The following ZDHHC21 variants were observed in gnomAD, a reference collection of about 807,000 sequenced individuals.
ZDHHC21 encodes palmitoyltransferase ZDHHC21.
In ZDHHC21, 15 loss-of-function variants were observed where a neutral mutation model predicts 34.6. The observed-to-expected ratio is 0.43, with a 90% confidence interval of 0.29 to 0.67. The LOEUF is 0.67. Ranked by LOEUF, ZDHHC21 falls within the 30% of genes least tolerant of loss-of-function variation. The pLI is 0.14. For synonymous variants in ZDHHC21, 142 were observed against 101.8 expected (o/e 1.40, Z -2.38); for missense variants, 344 against 327.7 (o/e 1.05, Z -0.38).
In ZDHHC21 at chr9:14,622,282, CTATTTTATCTAA is replaced by C. The variant is rs1181362163; in HGVS notation, c.622-2612_622-2601del. Among the ~76,000 whole-genome samples the C allele has an allele frequency of 5.9e-5, 9 of 151,890 alleles. No individual in the cohort carries two copies. In the East Asian group the frequency reaches 1.7e-3, roughly 29 times the overall value. ...AGACATACAGAAATATAGGCCCTAC[CTATTTTATCTAA>C]TATTTTATCTTCTGATGGGTGATCT... On this transcript the variant is annotated intron_variant, in intron 8 of 9. Transcript: ENST00000380916.
chr9:14,632,933 T>C (rs1005054912), intron 8 of ZDHHC21, among the ~76,000 whole-genome samples: 3 of 152,188 alleles, frequency 2.0e-5, no homozygotes, highest in African/African-American at 4.8e-5. Context: ...ACCAAGGCTG[T>C]AGAGGAATTA....
intron 1 of ZDHHC21, 64 bp from the exon 2 acceptor site, chr9:14,690,449 G>T (rs2382477): frequency 0.95 from 405,409 of 425,378 alleles, 193,398 homozygotes; most frequent in Middle Eastern, 0.97. Context: ...GAGCATTTTA[G>T]GTTAGATTTA....
intron 2 of ZDHHC21, among the ~76,000 whole-genome samples, chr9:14,684,411 G>T (rs935472815): frequency 1.4e-5 from 2 of 147,474 alleles, no homozygotes; most frequent in African/African-American, 5.0e-5. Flanking sequence ...ACCAACAACA[G>T]ACAAACAGAG....
chr9:14,608,165 C>A (rs1337041041), downstream of ZDHHC21, among the ~76,000 whole-genome samples: 1 of 152,116 alleles, frequency 6.6e-6, no homozygotes, highest in African/African-American at 2.4e-5. Flanking sequence ...ACAAAGCTTA[C>A]ACAAGTTATA....
chr9:14,619,514 C>G lies in ZDHHC21; in HGVS notation c.665+125G>C, dbSNP rs1191628192. 3 of 803,338 alleles carry G rather than the reference C, an allele frequency of 3.7e-6. No individual in the cohort carries two copies. In the East Asian group the frequency reaches 9.8e-5, roughly 26 times the overall value. 49.8% of individuals were successfully genotyped at this position (803,338 alleles called of 1,614,324 possible). ...ACTGGGGTAGCTTGCCTAGCACAGGCCTCAGACAATGCACCAAGAAAAAGC... is the reference window on the plus strand; with the variant it reads ...ACTGGGGTAGCTTGCCTAGCACAGGGCTCAGACAATGCACCAAGAAAAAGC... On this transcript the variant is annotated intron_variant, in intron 9 of 9. Transcript: ENST00000380916.
At chr9:14,631,988 C>A (rs192899428) in intron 8 of ZDHHC21, among the ~76,000 whole-genome samples, 2 of 152,076 alleles carry the variant, frequency 1.3e-5, no homozygotes, top group East Asian at 3.9e-4. Flanking sequence ...TAAGCACACA[C>A]TGTTGGGAAT....
intron 2 of ZDHHC21, among the ~76,000 whole-genome samples, chr9:14,685,010 C>A (rs1176524244): frequency 6.6e-6 from 1 of 152,150 alleles, no homozygotes; most frequent in African/African-American, 2.4e-5. Context: ...ATGTAGAAAG[C>A]TGAAACTGGA....
rs1481990404 is a variant in ZDHHC21 at position 14,613,620 on chromosome 9, G to T, written c.*5346C>A. ...TATCGATACCAAAAAAATCAGTGTT[G>T]AACTGTTATAAGAACGACATTACAT... On this transcript the variant is annotated 3_prime_UTR_variant, in exon 10 of 10. Coordinates refer to ENST00000380916, the MANE Select transcript of ZDHHC21 (RefSeq NM_178566.6). The T allele has an allele frequency of 6.6e-6, 1 of 151,690 alleles. No homozygotes were observed. The highest frequency in any genetic ancestry group is 6.6e-5 in the Admixed American group (1 of 15,190). 9.4% of individuals were successfully genotyped at this position (151,690 alleles called of 1,614,324 possible). A position where few individuals can be genotyped will look rare whatever the true frequency, so the allele number is the denominator to read the frequency against.
At chr9:14,676,345 T>C (rs745924006) in intron 3 of ZDHHC21, among the ~76,000 whole-genome samples, 5 of 151,878 alleles carry the variant, frequency 3.3e-5, no homozygotes, top group African/African-American at 7.2e-5. Flanking sequence ...TCATAATCAA[T>C]TGAAAAGCCT....
intron 7 of ZDHHC21, among the ~76,000 whole-genome samples, chr9:14,653,849 G>A (rs1409452003): frequency 6.6e-6 from 1 of 151,956 alleles, no homozygotes; most frequent in Non-Finnish European, 1.5e-5. Context: ...CAGTTCGTAT[G>A]AGACCAACAC....
In ZDHHC21 at chr9:14,684,631, G is replaced by T. The variant is rs572357898; in HGVS notation, c.-175-4469C>A. ...TCATGAAAATGGCCATACTGCCCAA[G>T]GTAATTTACAGATTCAATGCCATCC... is the stretch of plus-strand genomic sequence containing the variant. On this transcript the variant is annotated intron_variant, in intron 2 of 9. Transcript: ENST00000380916. Among the ~76,000 whole-genome samples, 766 of 151,940 alleles carry T rather than the reference G, an allele frequency of 5.0e-3. 7 individuals carry two copies. The highest frequency in any genetic ancestry group is 0.017 in the African/African-American group (717 of 41,418).
At chr9:14,684,388 A>C (rs1237363019) in intron 2 of ZDHHC21, among the ~76,000 whole-genome samples, 2 of 150,240 alleles carry the variant, frequency 1.3e-5, no homozygotes, top group East Asian at 3.9e-4. Flanking sequence ...AAAAATCACA[A>C]GCATTCTTAT....
At chr9:14,679,809 G>C (rs1189219555) in intron 3 of ZDHHC21, among the ~76,000 whole-genome samples, 2 of 152,010 alleles carry the variant, frequency 1.3e-5, no homozygotes, top group Non-Finnish European at 2.9e-5. Flanking sequence ...GATTCAGAAA[G>C]ATGTTTCTGA....
chr9:14,679,381 A>G (rs2131588888), intron 3 of ZDHHC21, among the ~76,000 whole-genome samples: 1 of 152,230 alleles, frequency 6.6e-6, no homozygotes, highest in Middle Eastern at 3.4e-3. Context: ...TCTGTTTGAA[A>G]TTTTTCAAAA....
chr9:14,607,348 G>A (rs931492611), downstream of ZDHHC21, among the ~76,000 whole-genome samples: 1 of 152,118 alleles, frequency 6.6e-6, no homozygotes, highest in East Asian at 1.9e-4. Context: ...AGGCTGCAGT[G>A]AGCTGAGATT....
At chr9:14,680,230 C>G (rs1837128759) in intron 2 of ZDHHC21, 68 bp from the exon 3 acceptor site, 1 of 152,264 alleles carries the variant, frequency 6.6e-6, no homozygotes, top group East Asian at 1.9e-4. Context: ...AATATTCTAA[C>G]TGTGGAAATG....
Position 14,614,606 on chromosome 9 carries a change from G to C in ZDHHC21, c.*4360C>G, listed in dbSNP as rs1309498828. On this transcript the variant is annotated 3_prime_UTR_variant, in exon 10 of 10. Transcript: ENST00000380916. ...ATTCAACTGAGAATGACTAAATATA[G>C]AGCACAATGAAATCTGTGATTTATA... 1.3e-5 allele frequency: 2 copies of C among 151,674 alleles called. No homozygotes were observed. Among genetic ancestry groups the C allele is most frequent in the Non-Finnish European group, 3.0e-5 (2 of 67,716 alleles). 9.4% of individuals were successfully genotyped at this position (151,674 alleles called of 1,614,324 possible).
At chr9:14,635,419 T>C (rs1375244939) in intron 8 of ZDHHC21, among the ~76,000 whole-genome samples, 1 of 152,110 alleles carries the variant, frequency 6.6e-6, no homozygotes, top group Non-Finnish European at 1.5e-5. Context: ...GACAGAGAAT[T>C]GTAAAAACAG....
intron 2 of ZDHHC21, among the ~76,000 whole-genome samples, chr9:14,680,512 C>A (rs886458035): frequency 6.6e-6 from 1 of 152,048 alleles, no homozygotes; most frequent in African/African-American, 2.4e-5. Flanking sequence ...GTAGAAGAAT[C>A]TAATCACAGT....
Sources: gnomAD v4.1 joint callset for allele counts (sites outside exome capture counted in the v4.1 genomes callset) on GRCh38, gnomAD v4.1.1 for gene constraint, MANE v1.5 for transcripts, NCBI Gene and HGNC (gene_info 2026-07-23, HGNC 2026-07-21) for gene names.